The following ARHGEF3 variants were observed in gnomAD, a reference collection of about 807,000 sequenced individuals.
The protein encoded by ARHGEF3 is 59.8 kDA protein.
A neutral mutation model predicts 63.2 loss-of-function variants in ARHGEF3; 28 were observed. The observed-to-expected ratio is 0.44, with a 90% confidence interval of 0.33 to 0.61. The LOEUF is 0.61. Ranked by LOEUF, ARHGEF3 falls within the 20% of genes least tolerant of loss-of-function variation. ARHGEF3 has a pLI of 0.03. For synonymous variants in ARHGEF3, 266 were observed against 254.2 expected (o/e 1.05, Z -0.44); for missense variants, 533 against 659.3 (o/e 0.81, Z 2.10).
rs578166777 is a variant in ARHGEF3, at chr3:57,054,929, G to A, written c.-27-19753C>T. 2.2e-4 allele frequency among the ~76,000 whole-genome samples: 33 copies of A among 152,014 alleles called. No individual in the cohort carries two copies. In the East Asian group the frequency reaches 4.9e-3, roughly 23 times the overall value. Reference sequence around the variant, plus strand: ...CTCCCAAAATGCTGGGATTACAGGCGTGAGCCATCGCACCCAGCAAAAAAA... The same window carrying A: ...CTCCCAAAATGCTGGGATTACAGGCATGAGCCATCGCACCCAGCAAAAAAA... On this transcript the variant is annotated intron_variant, in intron 1 of 12. Transcript: ENST00000338458.
At chr3:57,055,115 G>A (rs538845395) in intron 1 of ARHGEF3, among the ~76,000 whole-genome samples, 1 of 150,700 alleles carries the variant, frequency 6.6e-6, no homozygotes, top group East Asian at 1.9e-4. Context: ...TCTTGAAGAA[G>A]AGTTCTTATT....
At chr3:56,874,085 G>A (rs900408683) in intron 4 of ARHGEF3, among the ~76,000 whole-genome samples, 1 of 152,118 alleles carries the variant, frequency 6.6e-6, no homozygotes, top group Non-Finnish European at 1.5e-5. Context: ...TAGGCCAAAG[G>A]CAAGATGCAA....
At chr3:56,863,730 C>T (rs770045976) in intron 4 of ARHGEF3, among the ~76,000 whole-genome samples, 21 of 152,242 alleles carry the variant, frequency 1.4e-4, no homozygotes, top group Admixed American at 7.2e-4. Flanking sequence ...CCACCACACC[C>T]GGCCCACATT....
intron 2 of ARHGEF3, among the ~76,000 whole-genome samples, chr3:57,025,143 C>G (rs1334127213): frequency 6.6e-6 from 1 of 152,152 alleles, no homozygotes; most frequent in East Asian, 1.9e-4. Flanking sequence ...GGGATCTGTT[C>G]TGGATCGAAG....
intron 2 of ARHGEF3, among the ~76,000 whole-genome samples, chr3:56,971,457 G>A (rs1290696947): frequency 1.3e-5 from 2 of 152,096 alleles, no homozygotes; most frequent in African/African-American, 4.8e-5. Flanking sequence ...GTCTGGAGCT[G>A]TCCAAATGAA....
intron 2 of ARHGEF3, among the ~76,000 whole-genome samples, chr3:56,967,437 ATATAT>A (rs1700580060): frequency 1.5e-5 from 1 of 68,280 alleles, no homozygotes; most frequent in Non-Finnish European, 2.5e-5. Context: ...ATATTATATA[ATATAT>A]TATATATTAT....
intron 8 of ARHGEF3, among the ~76,000 whole-genome samples, chr3:56,736,820 C>T (rs901862783): frequency 9.9e-5 from 15 of 152,150 alleles, no homozygotes; most frequent in Admixed American, 7.2e-4. Flanking sequence ...AGGACAGGCA[C>T]GGTGGCTCAA....
chr3:56,984,551 T>TA (rs1472889114), intron 2 of ARHGEF3, among the ~76,000 whole-genome samples: 3 of 150,060 alleles, frequency 2.0e-5, no homozygotes, highest in African/African-American at 7.3e-5. Context: ...AATATAAAGT[T>TA]ACATAAATAA....
intron 2 of ARHGEF3, chr3:56,977,207 G>A (rs79544289): frequency 0.018 from 8,258 of 455,902 alleles, 596 homozygotes; most frequent in African/African-American, 0.15. Context: ...TTTTCTGGCT[G>A]CCTAATCCAC....
chr3:57,011,261 T>C (rs1037530487), intron 2 of ARHGEF3, among the ~76,000 whole-genome samples: 1 of 152,208 alleles, frequency 6.6e-6, no homozygotes, highest in Non-Finnish European at 1.5e-5. Context: ...ATGATGGTGC[T>C]AAGCACATGA....
In ARHGEF3 at chr3:56,890,401, G is replaced by A. The variant is rs975623049; in HGVS notation, c.130-8047C>T. Among the ~76,000 whole-genome samples, 11 of 152,238 alleles carry A rather than the reference G, an allele frequency of 7.2e-5. No homozygotes were observed. In the South Asian group the frequency reaches 1.0e-3, roughly 14 times the overall value. On this transcript the variant is annotated intron_variant, in intron 3 of 12. Coordinates refer to the ARHGEF3 transcript ENST00000338458. ...AGTATTAAAAGAAATAAAATATTTC[G>A]AACAGAGCCAGACATATGGCAAGAG... is the stretch of plus-strand genomic sequence containing the variant.
chr3:56,801,341 G>T (rs181657181), intron 1 of ARHGEF3, among the ~76,000 whole-genome samples: 1 of 152,354 alleles, frequency 6.6e-6, no homozygotes, highest in East Asian at 1.9e-4. Context: ...TGACACTGGG[G>T]CTTGCTGACA....
chr3:56,949,122 T>C (rs1267629842), intron 3 of ARHGEF3, among the ~76,000 whole-genome samples: 25 of 151,786 alleles, frequency 1.6e-4, no homozygotes. Context: ...ATTGATGGGA[T>C]GTATCTCAAA....
At chr3:56,830,596 C>T (rs950253085) in intron 4 of ARHGEF3, among the ~76,000 whole-genome samples, 7 of 152,308 alleles carry the variant, frequency 4.6e-5, no homozygotes, top group South Asian at 2.1e-4. Flanking sequence ...TGCCTGAAAC[C>T]TCCACTGGCT....
rs546720931 is a variant in ARHGEF3 at position 56,834,620 on chromosome 3, T to C, written c.192+47672A>G. 4.6e-5 allele frequency among the ~76,000 whole-genome samples: 7 copies of C among 151,768 alleles called. No homozygotes were observed. In the East Asian group the frequency reaches 7.8e-4, roughly 17 times the overall value. On this transcript the variant is annotated intron_variant, in intron 4 of 12. Transcript: ENST00000338458. The stretch of plus-strand genomic sequence containing the variant: ...ACTAAAAATATGAAAATTAGCCAGG[T>C]GTGGTGGCACATGCCTGTAATCCCA...
intron 1 of ARHGEF3, among the ~76,000 whole-genome samples, chr3:56,791,466 A>G (rs2037073992): frequency 6.6e-6 from 1 of 152,222 alleles, no homozygotes. Context: ...CAAACGAAAT[A>G]CATCACCTAT....
chr3:56,834,163 A>G (rs1283648964), intron 4 of ARHGEF3, among the ~76,000 whole-genome samples: 5 of 152,068 alleles, frequency 3.3e-5, no homozygotes, highest in African/African-American at 1.2e-4. Flanking sequence ...TCAGCCTCCC[A>G]AAATTCTCGG....
chr3:56,846,071 A>G (rs1289424596), intron 4 of ARHGEF3, among the ~76,000 whole-genome samples: 1 of 152,198 alleles, frequency 6.6e-6, no homozygotes, highest in African/African-American at 2.4e-5. Flanking sequence ...AACCCATGCT[A>G]TTGAAAATGA....
intron 1 of ARHGEF3, among the ~76,000 whole-genome samples, chr3:56,776,145 C>T (rs1046366912): frequency 2.6e-5 from 4 of 152,166 alleles, no homozygotes; most frequent in Non-Finnish European, 5.9e-5. Flanking sequence ...CAGCTGTGTT[C>T]CACTTGCTGT....
Sources: gnomAD v4.1 joint callset for allele counts (sites outside exome capture counted in the v4.1 genomes callset) on GRCh38, gnomAD v4.1.1 for gene constraint, MANE v1.5 for transcripts, NCBI Gene and HGNC (gene_info 2026-07-23, HGNC 2026-07-21) for gene names.